The following THSD7A variants were observed in gnomAD, a reference collection of about 807,000 sequenced individuals.
THSD7A encodes thrombospondin type 1 domain containing 7A, also known as thrombospondin type-1 domain-containing protein 7A.
THSD7A carries 96 observed loss-of-function variants against 231.3 expected under a neutral mutation model. That is an observed-to-expected ratio of 0.41 (90% CI 0.35 to 0.49). The LOEUF is 0.49. THSD7A is among the 20% of genes least tolerant of loss of function. The probability of loss-of-function intolerance (pLI) is 0.05; values close to 1 mark genes in which losing one functional copy is unlikely to be tolerated. For synonymous variants in THSD7A, 940 were observed against 743.3 expected (o/e 1.26, Z -4.30); for missense variants, 2,290 against 2,070.2 (o/e 1.11, Z -2.06).
Position 11,636,646 on chromosome 7 carries a change from G to A in THSD7A, c.506C>T (p.Ala169Val), listed in dbSNP as rs767395309. 3 of 1,613,932 alleles carry A rather than the reference G, an allele frequency of 1.9e-6. No homozygotes were observed. Among genetic ancestry groups the A allele is most frequent in the Non-Finnish European group, 2.5e-6 (3 of 1,179,884 alleles). The part of the protein sequence containing the change: ...ACIQKDKDIP[A>V]EDIICEYFEP... The stretch of plus-strand genomic sequence containing the variant: ...AAAGTACTCACAGATGATATCCTCC[G>A]CAGGAATGTCTTTGTCTTTCTGGAT... The change falls in exon 2 of 28, where the codon GCG (alanine) becomes GTG (valine). Residue 169 changes from alanine to valine, a missense_variant. Ala to Val is a moderately conservative substitution (Grantham distance 64). Coordinates refer to ENST00000423059, the MANE Select transcript of THSD7A (RefSeq NM_015204.3). The surrounding 1 kb of genome is among the most constrained non-coding windows in gnomAD (Gnocchi z 10.0).
At chr7:11,805,656 G>A (rs1784381216) in intron 1 of THSD7A, among the ~76,000 whole-genome samples, 1 of 151,912 alleles carries the variant, frequency 6.6e-6, no homozygotes, top group Admixed American at 6.6e-5. Flanking sequence ...GTTTTAAAAT[G>A]TCAACTAGTA....
intron 1 of THSD7A, among the ~76,000 whole-genome samples, chr7:11,797,515 T>C (rs1055126337): frequency 2.6e-5 from 4 of 151,166 alleles, no homozygotes; most frequent in Non-Finnish European, 4.4e-5. Context: ...CTCCTAGGTT[T>C]AAGTAATCCT....
chr7:11,401,734 C>CT, intron 23 of THSD7A, 61 bp downstream of exon 23: 1 of 1,468,866 alleles, frequency 6.8e-7, no homozygotes, highest in Admixed American at 2.3e-5. Context: ...TTTTAACAGA[C>CT]TATTTTTTTT....
At chr7:11,514,878 A>G (rs979132579) in intron 6 of THSD7A, among the ~76,000 whole-genome samples, 2 of 152,138 alleles carry the variant, frequency 1.3e-5, no homozygotes, top group African/African-American at 4.8e-5. Flanking sequence ...CTCCAAAACT[A>G]AGAACCACTA....
At chr7:11,727,058 C>T (rs1781572743) in intron 1 of THSD7A, among the ~76,000 whole-genome samples, 1 of 151,980 alleles carries the variant, frequency 6.6e-6, no homozygotes, top group Non-Finnish European at 1.5e-5. Flanking sequence ...ATTACTTTTG[C>T]ATTTAATCTT....
chr7:11,820,528 C>A, intron 1 of THSD7A: 1 of 758,448 alleles, frequency 1.3e-6, no homozygotes, highest in East Asian at 2.6e-5. Flanking sequence ...TCCCACTCCT[C>A]TTACCGGTTT....
chr7:11,744,462 G>A (rs916187197), intron 1 of THSD7A, among the ~76,000 whole-genome samples: 12 of 149,622 alleles, frequency 8.0e-5, no homozygotes, highest in South Asian at 2.1e-4. Context: ...TTTATTATAC[G>A]TTAAGTTTTA....
intron 6 of THSD7A, among the ~76,000 whole-genome samples, chr7:11,525,186 G>T (rs911480126): frequency 1.3e-5 from 2 of 152,122 alleles, no homozygotes. Context: ...TGACTCAGAT[G>T]CAACTTCTGT....
At chr7:11,511,287 C>T (rs1022661498) in intron 6 of THSD7A, among the ~76,000 whole-genome samples, 16 of 152,072 alleles carry the variant, frequency 1.1e-4, no homozygotes, top group African/African-American at 2.7e-4. Flanking sequence ...TAAAAGAGGA[C>T]ACAAACAAAT....
Position 11,636,255 on chromosome 7 carries a change from A to G in THSD7A, c.897T>C (p.Leu299=), listed in dbSNP as rs1273947045. Residue 299 remains leucine (L), a synonymous_variant, in exon 2 of 28, where the codon CTT becomes CTC. Transcript: ENST00000423059. The surrounding 1 kb of genome is among the most constrained non-coding windows in gnomAD (Gnocchi z 10.0). ...TGTTTCTGTTTCTCTTTTTCTTAAT[A>G]AGCTCGCGGGCTTCTGGATCCTTTA... ...KGVKDPEARE[L]IKKKRNRNRQ... is the part of the protein sequence containing the mutation. 4 of 1,613,800 alleles carry G rather than the reference A, an allele frequency of 2.5e-6. No homozygotes were observed. Among genetic ancestry groups the G allele is most frequent in the Non-Finnish European group, 3.4e-6 (4 of 1,179,896 alleles).
intron 1 of THSD7A, among the ~76,000 whole-genome samples, chr7:11,805,764 T>A (rs1424079868): frequency 1.3e-5 from 2 of 152,096 alleles, no homozygotes; most frequent in African/African-American, 4.8e-5. Context: ...ACCACAACAT[T>A]TCTATTCAGA....
chr7:11,732,188 G>A (rs1480981992), intron 1 of THSD7A, among the ~76,000 whole-genome samples: 1 of 151,408 alleles, frequency 6.6e-6, no homozygotes, highest in African/African-American at 2.4e-5. Context: ...TTTGAAAAAT[G>A]AACACGTATT....
At chr7:11,475,638 C>CAT (rs532024740) in intron 7 of THSD7A, among the ~76,000 whole-genome samples, 152 of 148,366 alleles carry the variant, frequency 1.0e-3, no homozygotes, top group African/African-American at 3.6e-3. Context: ...CATATATATG[C>CAT]ATACATGTAA....
chr7:11,594,369 G>C (rs2128342259), intron 2 of THSD7A, among the ~76,000 whole-genome samples: 1 of 152,248 alleles, frequency 6.6e-6, no homozygotes, highest in South Asian at 2.1e-4. Flanking sequence ...GGTTCTACAG[G>C]AGCAGAATAT....
At chr7:11,534,006 G>A (rs1788813586) in intron 6 of THSD7A, among the ~76,000 whole-genome samples, 1 of 152,136 alleles carries the variant, frequency 6.6e-6, no homozygotes, top group Non-Finnish European at 1.5e-5. Context: ...TATATTTGAA[G>A]GGAATTAGTG....
At position 11,446,492 on chromosome 7, in the gene THSD7A, G is replaced by A. The variant is rs1486048942; in HGVS notation, c.2801-168C>T. Among the ~76,000 whole-genome samples, 1 of 151,902 alleles carries A rather than the reference G, an allele frequency of 6.6e-6. No homozygotes were observed. The highest frequency in any genetic ancestry group is 6.6e-5 in the Admixed American group (1 of 15,234). On this transcript the variant is annotated intron_variant, in intron 12 of 27. Transcript: ENST00000423059. The surrounding 1 kb of genome is among the most constrained non-coding windows in gnomAD (Gnocchi z 4.0). ...CTCATTCCACAGTGTTTTCTACATA[G>A]GCTCCTGTTGGTATTGGGTGCTTTG... is the stretch of plus-strand genomic sequence containing the variant.
At chr7:11,825,795 T>C (rs1347218772) in intron 1 of THSD7A, among the ~76,000 whole-genome samples, 1 of 152,116 alleles carries the variant, frequency 6.6e-6, no homozygotes, top group Non-Finnish European at 1.5e-5. Flanking sequence ...CCAGATTGAT[T>C]AACGCTGACG....
rs34985878 is a variant in THSD7A at position 11,444,783 on chromosome 7, C to CTGTG, written c.3064+1274_3064+1277dup. ...AAGAGAGGGGGCACAGTTGTCTGCT[C>CTGTG]TGTGTGTGTGTGTGTGTGTGTGTGT... On this transcript the variant is annotated intron_variant, in intron 13 of 27. Transcript: ENST00000423059. This position sits in a 1 kb window ranked among gnomAD's most constrained non-coding sequence, Gnocchi z 4.2. Among the ~76,000 whole-genome samples the CTGTG allele has an allele frequency of 0.029, 4,155 of 144,540 alleles. 54 individuals are homozygous for CTGTG. Among genetic ancestry groups the CTGTG allele is most frequent in the Non-Finnish European group, 0.036 (2,354 of 65,782 alleles). 94.8% of individuals were successfully genotyped at this position (144,540 alleles called of 152,430 possible).
intron 2 of THSD7A, among the ~76,000 whole-genome samples, chr7:11,624,673 C>T (rs976099230): frequency 1.3e-5 from 2 of 152,224 alleles, no homozygotes; most frequent in Admixed American, 1.3e-4. Flanking sequence ...TTTATCCTTT[C>T]ATCAATGATT....
Sources: allele counts gnomAD v4.1 joint callset (sites outside exome capture counted in the v4.1 genomes callset), GRCh38; gene constraint gnomAD v4.1.1; non-coding constraint Gnocchi (gnomAD v3.1); transcripts MANE v1.5; gene names NCBI Gene and HGNC (gene_info 2026-07-23, HGNC 2026-07-21).